The following FSTL4 variants were observed in gnomAD, a reference collection of about 807,000 sequenced individuals.
The protein encoded by FSTL4 is follistatin-related protein 4.
A neutral mutation model predicts 78.2 loss-of-function variants in FSTL4; 28 were observed. That is an observed-to-expected ratio of 0.36 (90% CI 0.27 to 0.49). The LOEUF (loss-of-function observed/expected upper bound fraction) is 0.49. Ranked by LOEUF, FSTL4 falls within the 20% of genes least tolerant of loss-of-function variation. The pLI is 0.98. For missense variants in FSTL4, 922 were observed against 1,084.9 expected (o/e 0.85, Z 2.11); for synonymous variants, 422 against 440.5 (o/e 0.96, Z 0.53).
intron 7 of FSTL4, among the ~76,000 whole-genome samples, chr5:133,234,140 G>A (rs1308439937): frequency 6.6e-6 from 1 of 152,130 alleles, no homozygotes; most frequent in Non-Finnish European, 1.5e-5. Context: ...GGCTGCAGTT[G>A]GCCTGCCTAT....
intron 3 of FSTL4, among the ~76,000 whole-genome samples, chr5:133,403,157 A>G (rs1483868923): frequency 2.6e-5 from 4 of 152,262 alleles, no homozygotes; most frequent in Non-Finnish European, 4.4e-5. Flanking sequence ...AGACAGGGCC[A>G]GGACGCAGAG....
At chr5:133,342,368 A>G (rs531394179) in intron 4 of FSTL4, among the ~76,000 whole-genome samples, 42 of 152,292 alleles carry the variant, frequency 2.8e-4, no homozygotes, top group Admixed American at 5.2e-4. Context: ...GAGTCAAAGA[A>G]AACAAAACTG....
the FSTL4 span, among the ~76,000 whole-genome samples, chr5:133,709,036 C>T: frequency 1.3e-5 from 2 of 152,180 alleles, no homozygotes; most frequent in Non-Finnish European, 2.9e-5. Flanking sequence ...CCATAACAAA[C>T]TTCCCCAGGG....
chr5:133,565,707 C>T lies in FSTL4; in HGVS notation c.160+1479G>A, dbSNP rs542780505. 7.9e-5 allele frequency among the ~76,000 whole-genome samples: 12 copies of T among 152,300 alleles called. No individual in the cohort carries two copies. In the East Asian group the frequency reaches 2.3e-3, roughly 29 times the overall value. On this transcript the variant is annotated intron_variant, in intron 3 of 15. Transcript: ENST00000265342. Reference sequence around the variant, plus strand: ...GTTTGAAGTCATAAGTTCACTCAGACCTTTTTCATGCATTTGAATAGAAAT... The same window carrying T: ...GTTTGAAGTCATAAGTTCACTCAGATCTTTTTCATGCATTTGAATAGAAAT...
At chr5:133,818,637 G>T in the FSTL4 span, among the ~76,000 whole-genome samples, 6 of 151,956 alleles carry the variant, frequency 3.9e-5, no homozygotes, top group Non-Finnish European at 8.8e-5. Context: ...TACTCACGAA[G>T]TGCATTGTGA....
chr5:133,603,054 T>C (rs1487092001), intron 2 of FSTL4, among the ~76,000 whole-genome samples: 5 of 152,186 alleles, frequency 3.3e-5, no homozygotes, highest in African/African-American at 1.2e-4. Context: ...GAAAGCTGCC[T>C]ATTAGGAATT....
At chr5:133,802,919 C>T in the FSTL4 span, among the ~76,000 whole-genome samples, 1 of 152,168 alleles carries the variant, frequency 6.6e-6, no homozygotes, top group Non-Finnish European at 1.5e-5. Context: ...TTTCCAGGCG[C>T]ATATACATAG....
At chr5:133,212,942 T>C (rs1450252514) in intron 13 of FSTL4, among the ~76,000 whole-genome samples, 1 of 151,838 alleles carries the variant, frequency 6.6e-6, no homozygotes, top group Non-Finnish European at 1.5e-5. Context: ...AATGAAATGA[T>C]ACCTTAAAAT....
rs1180059514 is a variant in FSTL4 at position 133,233,448 on chromosome 5, C to T, written c.984G>A (p.Gln328=). Residue 328 remains glutamine, a synonymous_variant, in exon 8 of 16, where the codon CAG becomes CAA. Transcript: ENST00000265342. ...CCTGCAGGACGTGGGTCTGGAACAG[C>T]TGCTCGTGGCCGGAAGCATGGCAGG... ...NYTCHASGHE[Q]LFQTHVLQVN... 1 of 1,614,222 alleles carries T rather than the reference C, an allele frequency of 6.2e-7. No homozygotes were observed. Among genetic ancestry groups the T allele is most frequent in the South Asian group, 1.1e-5 (1 of 91,074 alleles).
intron 7 of FSTL4, among the ~76,000 whole-genome samples, chr5:133,234,057 CA>C (rs1160325234): frequency 1.3e-5 from 2 of 152,186 alleles, no homozygotes; most frequent in African/African-American, 4.8e-5. Context: ...GCCTTCAAGA[CA>C]CATAAATTAA....
rs150567690 is a variant in FSTL4, at chr5:133,236,915, T to C, written c.895-3378A>G. On this transcript the variant is annotated intron_variant, in intron 7 of 15. Coordinates refer to ENST00000265342, the MANE Select transcript of FSTL4 (RefSeq NM_015082.2). The surrounding 1 kb of genome is among the most constrained non-coding windows in gnomAD (Gnocchi z 5.0). ...ACCTTGTTTGCTGTCTGTCTTCCCCTGCAGAATGTGAGCTCTGCAGAGGAG... is the reference window on the plus strand; with the variant it reads ...ACCTTGTTTGCTGTCTGTCTTCCCCCGCAGAATGTGAGCTCTGCAGAGGAG... Among the ~76,000 whole-genome samples, 142 of 152,298 alleles carry C rather than the reference T, an allele frequency of 9.3e-4. 2 individuals carry two copies. The East Asian group carries it at 0.023, about 25-fold the overall frequency.
chr5:133,841,912 G>C, the FSTL4 span, among the ~76,000 whole-genome samples: 1 of 152,246 alleles, frequency 6.6e-6, no homozygotes, highest in African/African-American at 2.4e-5. Flanking sequence ...GGGCTGCCAA[G>C]CAGCACCACG....
At chr5:133,394,957 C>T (rs1755968677) in intron 4 of FSTL4, among the ~76,000 whole-genome samples, 3 of 152,158 alleles carry the variant, frequency 2.0e-5, no homozygotes, top group Admixed American at 2.0e-4. Flanking sequence ...ATGCACCAAT[C>T]AGTGCTCTGT....
intron 6 of FSTL4, among the ~76,000 whole-genome samples, chr5:133,288,844 G>T (rs1339630244): frequency 6.6e-6 from 1 of 152,072 alleles, no homozygotes; most frequent in African/African-American, 2.4e-5. Flanking sequence ...CATTTTTCTG[G>T]GTCGCATGTC....
At chr5:133,489,563 C>T (rs1218821111) in intron 3 of FSTL4, among the ~76,000 whole-genome samples, 2 of 152,132 alleles carry the variant, frequency 1.3e-5, no homozygotes, top group Non-Finnish European at 2.9e-5. Context: ...GGGGCTAAGA[C>T]TCTCAAAATA....
At chr5:133,494,497 G>A (rs1404520820) in intron 3 of FSTL4, among the ~76,000 whole-genome samples, 6 of 152,134 alleles carry the variant, frequency 3.9e-5, no homozygotes, top group East Asian at 1.9e-4. Context: ...TAACACAAAC[G>A]GAGTCCTGCG....
At chr5:133,388,175 C>T (rs78837649) in intron 4 of FSTL4, among the ~76,000 whole-genome samples, 1,933 of 152,360 alleles carry the variant, frequency 0.013, 21 homozygotes, top group Non-Finnish European at 0.021. Context: ...AGCCTCTGTG[C>T]TCACCTAAGC....
the FSTL4 span, among the ~76,000 whole-genome samples, chr5:133,760,655 A>C: frequency 2.0e-5 from 3 of 152,224 alleles, no homozygotes; most frequent in African/African-American, 7.2e-5. Flanking sequence ...ACAACAAGTC[A>C]GGCAGGTGAC....
At chr5:133,816,248 C>T in the FSTL4 span, among the ~76,000 whole-genome samples, 9 of 152,322 alleles carry the variant, frequency 5.9e-5, no homozygotes, top group Admixed American at 5.9e-4. Flanking sequence ...GCACTCTGGG[C>T]TGCTGGAGCT....
Sources: allele counts gnomAD v4.1 joint callset (sites outside exome capture counted in the v4.1 genomes callset), GRCh38; gene constraint gnomAD v4.1.1; non-coding constraint Gnocchi (gnomAD v3.1); transcripts MANE v1.5; gene names NCBI Gene and HGNC (gene_info 2026-07-23, HGNC 2026-07-21).